The following APBA1 variants were observed in gnomAD, a reference collection of about 807,000 sequenced individuals.
The protein encoded by APBA1 is amyloid beta precursor protein binding family A member 1, also known as amyloid-beta A4 precursor protein-binding family A member 1.
Under a neutral mutation model 86.6 loss-of-function variants are expected in APBA1, and 55 were observed. That is an observed-to-expected ratio of 0.64 (90% CI 0.51 to 0.80). The LOEUF is 0.80. Among genes scored for constraint, APBA1 ranks in the 30% least tolerant of loss-of-function variants. The pLI is 0.00. For missense variants in APBA1, 1,090 were observed against 1,183.0 expected, an observed-to-expected ratio of 0.92 and a Z score of 1.15; for synonymous variants, 511 against 493.9, an observed-to-expected ratio of 1.03 and a Z score of -0.46.
chr9:69,614,424 T>G (rs1054791873), intron 1 of APBA1, among the ~76,000 whole-genome samples: 1 of 152,214 alleles, frequency 6.6e-6, no homozygotes, highest in Non-Finnish European at 1.5e-5. Context: ...AAATTACATT[T>G]ATGGGTATGT....
chr9:69,641,851 T>TTTTTATG (rs1391431070), intron 1 of APBA1, among the ~76,000 whole-genome samples: 3 of 152,210 alleles, frequency 2.0e-5, no homozygotes, highest in Non-Finnish European at 2.9e-5. Context: ...TATTTTTTAT[T>TTTTTATG]TATTTATTTT....
intron 1 of APBA1, among the ~76,000 whole-genome samples, chr9:69,555,127 T>C (rs1429310865): frequency 6.6e-6 from 1 of 152,180 alleles, no homozygotes; most frequent in African/African-American, 2.4e-5. Context: ...ACGGTCCAGG[T>C]TTCTTCCAAA....
intron 1 of APBA1, among the ~76,000 whole-genome samples, chr9:69,628,576 T>G (rs1003160296): frequency 6.6e-6 from 1 of 152,118 alleles, no homozygotes; most frequent in Admixed American, 6.6e-5. Flanking sequence ...GTCACCTGAG[T>G]GCCATGGCAA....
At chr9:69,635,895 CA>C (rs993010021) in intron 1 of APBA1, among the ~76,000 whole-genome samples, 7 of 151,978 alleles carry the variant, frequency 4.6e-5, no homozygotes, top group African/African-American at 1.7e-4. Context: ...GAAACCAAAG[CA>C]AAAATGGACA....
intron 1 of APBA1, among the ~76,000 whole-genome samples, chr9:69,658,304 CTCTTTCTTTCTTTCTT>C (rs202185776): frequency 6.7e-4 from 54 of 80,028 alleles, no homozygotes; most frequent in African/African-American, 2.4e-3. Context: ...TTCTCTCTCT[CTCTTTCTTTCTTTCTT>C]TCTTTCTTTC....
intron 1 of APBA1, among the ~76,000 whole-genome samples, chr9:69,646,450 T>A (rs1405134476): frequency 1.3e-5 from 2 of 152,224 alleles, no homozygotes; most frequent in African/African-American, 2.4e-5. Flanking sequence ...CTTGCCTTGG[T>A]CTGATGTTCT....
At chr9:69,632,450 C>A (rs1215467166) in intron 1 of APBA1, among the ~76,000 whole-genome samples, 2 of 152,124 alleles carry the variant, frequency 1.3e-5, no homozygotes, top group Non-Finnish European at 2.9e-5. Flanking sequence ...TGCTTCTGAG[C>A]TTCGAGACTG....
intron 3 of APBA1, among the ~76,000 whole-genome samples, chr9:69,473,722 T>A (rs1487557663): frequency 6.6e-6 from 1 of 152,004 alleles, no homozygotes; most frequent in Admixed American, 6.6e-5. Flanking sequence ...TTGAAAAAAA[T>A]AATTTGGCAA....
At chr9:69,564,072 C>T (rs562417056) in intron 1 of APBA1, among the ~76,000 whole-genome samples, 10 of 152,200 alleles carry the variant, frequency 6.6e-5, no homozygotes, top group African/African-American at 1.4e-4. Flanking sequence ...ACTCCAAATT[C>T]GAGAAGCACC....
rs1363169030 is a variant in APBA1 at position 69,611,302 on chromosome 9, A to AC, written c.-70+60850_-70+60851insG. On this transcript the variant is annotated intron_variant, in intron 1 of 12. Coordinates refer to ENST00000265381, the MANE Select transcript of APBA1 (RefSeq NM_001163.4). ...CAGAAAAGGAAAAAAAAAAAAAAAA[A>AC]AACAAAAAAAAAACCCAAACCGGCT... is the stretch of plus-strand genomic sequence containing the variant. Among the ~76,000 whole-genome samples, 35 of 151,214 alleles carry AC rather than the reference A, an allele frequency of 2.3e-4. No homozygotes were observed. The South Asian group carries it at 6.7e-3, about 29-fold the overall frequency.
intron 8 of APBA1, among the ~76,000 whole-genome samples, chr9:69,453,936 G>T (rs116317060): frequency 6.6e-6 from 1 of 152,194 alleles, no homozygotes; most frequent in Non-Finnish European, 1.5e-5. Context: ...ACAGGATATG[G>T]AGGTTGAGGG....
intron 1 of APBA1, among the ~76,000 whole-genome samples, chr9:69,617,867 C>A (rs955234049): frequency 2.0e-5 from 3 of 152,070 alleles, no homozygotes; most frequent in African/African-American, 7.2e-5. Context: ...TACTTTCTTG[C>A]CAATCAGAAG....
chr9:69,542,394 GTTTC>G (rs1173877789), intron 1 of APBA1, among the ~76,000 whole-genome samples: 1 of 152,150 alleles, frequency 6.6e-6, no homozygotes, highest in Non-Finnish European at 1.5e-5. Flanking sequence ...CACTGCCCTG[GTTTC>G]TTTTACTTAG....
intron 2 of APBA1, among the ~76,000 whole-genome samples, chr9:69,483,131 T>TCAAAAA (rs1402237084): frequency 1.0e-3 from 30 of 29,918 alleles, no homozygotes; most frequent in Admixed American, 5.4e-3. Flanking sequence ...AAAAAAAAAT[T>TCAAAAA]AAGTCAAAAA....
chr9:69,576,719 G>T (rs1383396140), intron 1 of APBA1, among the ~76,000 whole-genome samples: 1 of 152,148 alleles, frequency 6.6e-6, no homozygotes, highest in African/African-American at 2.4e-5. Flanking sequence ...GGTAGGGGGA[G>T]CGGGGAGGGA....
intron 2 of APBA1, among the ~76,000 whole-genome samples, chr9:69,494,683 T>C (rs1835767579): frequency 6.6e-6 from 1 of 152,150 alleles, no homozygotes; most frequent in African/African-American, 2.4e-5. Flanking sequence ...CATTCCTTGA[T>C]GGTGTTCCCA....
At chr9:69,489,064 T>C (rs949898360) in intron 2 of APBA1, among the ~76,000 whole-genome samples, 57 of 152,072 alleles carry the variant, frequency 3.7e-4, no homozygotes, top group Non-Finnish European at 1.2e-4. Flanking sequence ...CCCAAGGTAA[T>C]TTATAGATTC....
At chr9:69,553,466 G>A (rs1307107814) in intron 1 of APBA1, among the ~76,000 whole-genome samples, 1 of 152,116 alleles carries the variant, frequency 6.6e-6, no homozygotes, top group African/African-American at 2.4e-5. Context: ...TCTAATCTTA[G>A]AGTATATACT....
chr9:69,457,876 T>G (rs527994258), intron 6 of APBA1, among the ~76,000 whole-genome samples: 12 of 152,230 alleles, frequency 7.9e-5, no homozygotes, highest in Admixed American at 2.6e-4. Flanking sequence ...TCGATGCTCC[T>G]GAATGTTTGG....
Sources: allele counts gnomAD v4.1 joint callset (sites outside exome capture counted in the v4.1 genomes callset), GRCh38; gene constraint gnomAD v4.1.1; transcripts MANE v1.5; gene names NCBI Gene and HGNC (gene_info 2026-07-23, HGNC 2026-07-21).